The following SUMF1 variants were observed in gnomAD, a reference collection of about 807,000 sequenced individuals.
SUMF1 encodes formylglycine-generating enzyme.
A neutral mutation model predicts 47.6 loss-of-function variants in SUMF1; 48 were observed. That is an observed-to-expected ratio of 1.01 (90% CI 0.80 to 1.28). SUMF1 has a LOEUF of 1.28. SUMF1 is among the 50% of genes most tolerant of loss of function. SUMF1 has a pLI of 0.00. For missense variants in SUMF1, 571 were observed against 485.4 expected (o/e 1.18, Z -1.66); for synonymous variants, 230 against 192.1 (o/e 1.20, Z -1.63).
intron 8 of SUMF1, chr3:4,304,147 C>T (rs1445797280): frequency 6.0e-6 from 1 of 167,732 alleles, no homozygotes; most frequent in Non-Finnish European, 1.4e-5. Context: ...TTTCTACTCT[C>T]CTTTTTCTTT....
At chr3:4,338,147 C>A (rs2125136641) in intron 8 of SUMF1, among the ~76,000 whole-genome samples, 2 of 152,236 alleles carry the variant, frequency 1.3e-5, no homozygotes, top group South Asian at 4.1e-4. Context: ...TCCCTATAAT[C>A]CTCACTACTC....
At chr3:4,228,956 G>A (rs574027948) in intron 8 of SUMF1, among the ~76,000 whole-genome samples, 1 of 152,212 alleles carries the variant, frequency 6.6e-6, no homozygotes, top group South Asian at 2.1e-4. Flanking sequence ...TGGCTAGAAG[G>A]TAAAGGTAAG....
intron 8 of SUMF1, among the ~76,000 whole-genome samples, chr3:4,176,585 G>C (rs1475659192): frequency 6.6e-6 from 1 of 152,032 alleles, no homozygotes; most frequent in Admixed American, 6.6e-5. Flanking sequence ...TGAAAAAACA[G>C]GCCAAATTGT....
rs76024477 is a variant in SUMF1 at position 4,175,851 on chromosome 3, G to T, written c.1015-107106C>A. Among the ~76,000 whole-genome samples the T allele has an allele frequency of 6.4e-3, 972 of 152,224 alleles. 17 individuals carry two copies. Among genetic ancestry groups the T allele is most frequent in the African/African-American group, 0.022 (932 of 41,538 alleles). On this transcript the variant is annotated intron_variant and NMD_transcript_variant, in intron 8 of 12. Transcript: ENST00000448413. ...GTGTAGAGAAGACCTTAAATGACCT[G>T]GTGGAGCTGAAAACCATGGCACGAG...
At chr3:4,395,193 G>A (rs1362744428) in intron 7 of SUMF1, among the ~76,000 whole-genome samples, 1 of 152,134 alleles carries the variant, frequency 6.6e-6, no homozygotes, top group African/African-American at 2.4e-5. Context: ...AGGAGTCAAA[G>A]TCCATCACAC....
At chr3:4,230,358 T>C (rs1192325916) in intron 8 of SUMF1, among the ~76,000 whole-genome samples, 1 of 152,120 alleles carries the variant, frequency 6.6e-6, no homozygotes, top group African/African-American at 2.4e-5. Flanking sequence ...AACAGTTTGG[T>C]CTGTCTTGGC....
chr3:4,459,418 G>C (rs373714728), intron 1 of SUMF1, among the ~76,000 whole-genome samples: 12 of 152,118 alleles, frequency 7.9e-5, no homozygotes, highest in African/African-American at 2.9e-4. Flanking sequence ...AAAAAAGAGA[G>C]TCACTTAGCA....
chr3:4,370,623 T>C (rs1700139531), intron 8 of SUMF1, among the ~76,000 whole-genome samples: 1 of 152,138 alleles, frequency 6.6e-6, no homozygotes, highest in Admixed American at 6.5e-5. Context: ...CACAGGATAG[T>C]GAAAAGACAT....
At position 4,210,486 on chromosome 3, in the gene SUMF1, T is replaced by C. The variant is rs572889902; in HGVS notation, c.1015-141741A>G. 3.0e-4 allele frequency among the ~76,000 whole-genome samples: 46 copies of C among 152,206 alleles called. No homozygotes were observed. In the South Asian group the frequency reaches 9.1e-3, roughly 30 times the overall value. On this transcript the variant is annotated intron_variant and NMD_transcript_variant, in intron 8 of 12. Transcript: ENST00000448413. Reference sequence around the variant, plus strand: ...TTAGACCCACACATATTGTCACCAATTTACATACCACTGAAGTTCAAAGGG... The same window carrying C: ...TTAGACCCACACATATTGTCACCAACTTACATACCACTGAAGTTCAAAGGG...
chr3:4,125,249 C>A lies in SUMF1; in HGVS notation c.1015-56504G>T, dbSNP rs113805955. Among the ~76,000 whole-genome samples the A allele has an allele frequency of 2.3e-4, 35 of 152,094 alleles. 2 individuals are homozygous for A. Among genetic ancestry groups the A allele is most frequent in the African/African-American group, 8.2e-4 (34 of 41,498 alleles). ...AAAATAAATGCCTCAGTTGTACTAG[C>A]CACATTTCAAGTGCTCAAATAACTA... On this transcript the variant is annotated intron_variant and NMD_transcript_variant, in intron 8 of 12. Transcript: ENST00000448413.
chr3:4,405,048 T>C (rs1350216151), intron 7 of SUMF1, among the ~76,000 whole-genome samples: 6 of 152,270 alleles, frequency 3.9e-5, no homozygotes, highest in Middle Eastern at 3.4e-3. Context: ...CAGTCTCATG[T>C]TTCTGTTGCA....
chr3:4,110,123 T>C (rs1693258590), intron 8 of SUMF1, among the ~76,000 whole-genome samples: 1 of 152,116 alleles, frequency 6.6e-6, no homozygotes, highest in African/African-American at 2.4e-5. Context: ...TCCTTTCTGT[T>C]TGTTAGTTTT....
intron 7 of SUMF1, among the ~76,000 whole-genome samples, chr3:4,380,883 T>C (rs2124875242): frequency 6.6e-6 from 1 of 152,264 alleles, no homozygotes; most frequent in Admixed American, 6.5e-5. Flanking sequence ...TCTACCCCTG[T>C]TTAAAACACC....
chr3:4,422,609 T>C (rs976825361), intron 3 of SUMF1, among the ~76,000 whole-genome samples: 1 of 152,110 alleles, frequency 6.6e-6, no homozygotes, highest in Non-Finnish European at 1.5e-5. Context: ...TTAAAAGAGT[T>C]TGTGGCTTTT....
intron 8 of SUMF1, among the ~76,000 whole-genome samples, chr3:4,167,929 C>A (rs1220057900): frequency 6.6e-6 from 1 of 152,146 alleles, no homozygotes; most frequent in Non-Finnish European, 1.5e-5. Context: ...TTGTCACTTG[C>A]TTCTTGGAAA....
In SUMF1 at chr3:4,139,647, C is replaced by T. The variant is rs6801087; in HGVS notation, c.1015-70902G>A. Among the ~76,000 whole-genome samples the T allele has an allele frequency of 8.3e-3, 1,259 of 151,334 alleles. 13 individuals carry two copies. Among genetic ancestry groups the T allele is most frequent in the Middle Eastern group, 0.014 (4 of 294 alleles). On this transcript the variant is annotated intron_variant and NMD_transcript_variant, in intron 8 of 12. Transcript: ENST00000448413. ...CAGTTGTTAATCATTTACCAGGGCA[C>T]GACTGATTTTAGTGTTATCTTCCTG...
Position 4,238,825 on chromosome 3 carries a change from T to G in SUMF1, c.1014+137505A>C, listed in dbSNP as rs144349976. Among the ~76,000 whole-genome samples the G allele has an allele frequency of 9.9e-3, 1,503 of 152,290 alleles. 18 individuals carry two copies. Among genetic ancestry groups the G allele is most frequent in the Admixed American group, 0.017 (264 of 15,288 alleles). ...TGGCTTTTGTTGCCGTTGCTTTTGG[T>G]GTTTTAGTCATGAAGTATTTGCCCA... On this transcript the variant is annotated intron_variant and NMD_transcript_variant, in intron 8 of 12. Coordinates refer to the SUMF1 transcript ENST00000448413.
At chr3:4,382,907 C>T (rs552234946) in intron 7 of SUMF1, among the ~76,000 whole-genome samples, 1 of 152,202 alleles carries the variant, frequency 6.6e-6, no homozygotes, top group South Asian at 2.1e-4. Flanking sequence ...ACATCACACA[C>T]TGGGGCCTGT....
intron 9 of SUMF1, among the ~76,000 whole-genome samples, chr3:4,052,126 GA>G (rs1197874582): frequency 6.6e-6 from 1 of 152,090 alleles, no homozygotes; most frequent in Non-Finnish European, 1.5e-5. Flanking sequence ...CAAGGCACCA[GA>G]AAATCTGGTA....
Sources: gnomAD v4.1 joint callset for allele counts (sites outside exome capture counted in the v4.1 genomes callset) on GRCh38, gnomAD v4.1.1 for gene constraint, MANE v1.5 for transcripts, NCBI Gene and HGNC (gene_info 2026-07-23, HGNC 2026-07-21) for gene names.